Variants in GPC5 observed in about 807,000 individuals in gnomAD.
The protein encoded by GPC5 is glypican-5.
Under a neutral mutation model 53.9 loss-of-function variants are expected in GPC5, and 47 were observed. The ratio of observed to expected loss-of-function variants is 0.87; its 90% CI spans 0.69 to 1.11. The LOEUF (loss-of-function observed/expected upper bound fraction) is 1.11, where lower values mean the gene tolerates loss of function less well. Among genes scored for constraint, GPC5 ranks in the 50% most tolerant of loss-of-function variants. GPC5 has a pLI of 0.00. For missense variants in GPC5, 748 were observed against 713.1 expected (o/e 1.05, Z -0.56); for synonymous variants, 286 against 263.3 (o/e 1.09, Z -0.84).
At chr13:92,565,951 A>G (rs1218547013) in intron 7 of GPC5, among the ~76,000 whole-genome samples, 2 of 152,060 alleles carry the variant, frequency 1.3e-5, no homozygotes, top group East Asian at 3.9e-4. Context: ...AACCTTTAGT[A>G]GATATTACAA....
intron 3 of GPC5, chr13:91,725,258 C>T (rs1300131779): frequency 6.6e-6 from 1 of 152,064 alleles, no homozygotes; most frequent in Non-Finnish European, 1.5e-5. Flanking sequence ...CAATTTTTTC[C>T]AAGACATTTC....
chr13:91,658,514 C>T (rs2034903057), intron 2 of GPC5, among the ~76,000 whole-genome samples: 1 of 152,164 alleles, frequency 6.6e-6, no homozygotes, highest in Admixed American at 6.5e-5. Context: ...TCCAATTAGG[C>T]ACCCAAATTG....
At chr13:92,504,977 A>G (rs914556139) in intron 7 of GPC5, among the ~76,000 whole-genome samples, 1 of 137,522 alleles carries the variant, frequency 7.3e-6, no homozygotes, top group Non-Finnish European at 1.6e-5. Context: ...ATATATATTT[A>G]TATATATATA....
At chr13:92,124,896 G>T (rs939551542) in intron 6 of GPC5, among the ~76,000 whole-genome samples, 1 of 152,102 alleles carries the variant, frequency 6.6e-6, no homozygotes, top group Non-Finnish European at 1.5e-5. Context: ...TCCACCTCCC[G>T]GTATCTTGTG....
intron 2 of GPC5, among the ~76,000 whole-genome samples, chr13:91,589,035 A>G (rs2032700779): frequency 6.6e-6 from 1 of 152,162 alleles, no homozygotes; most frequent in South Asian, 2.1e-4. Context: ...CAACTCACCA[A>G]TCTGACTTCT....
At chr13:91,529,747 A>T (rs1454894434) in intron 2 of GPC5, among the ~76,000 whole-genome samples, 2 of 152,240 alleles carry the variant, frequency 1.3e-5, no homozygotes, top group African/African-American at 4.8e-5. Flanking sequence ...GTAAAATAGT[A>T]GTCAACATTC....
intron 7 of GPC5, among the ~76,000 whole-genome samples, chr13:92,306,008 A>C (rs958875464): frequency 6.6e-6 from 1 of 152,234 alleles, no homozygotes; most frequent in Non-Finnish European, 1.5e-5. Flanking sequence ...GAGAGATGGG[A>C]AAGTACGTGG....
At chr13:92,172,772 A>G (rs973360685) in intron 7 of GPC5, among the ~76,000 whole-genome samples, 1 of 152,098 alleles carries the variant, frequency 6.6e-6, no homozygotes, top group African/African-American at 2.4e-5. Context: ...CTTTATTTCC[A>G]TTGAAACTGG....
chr13:91,811,894 G>A (rs1344614130), intron 5 of GPC5, among the ~76,000 whole-genome samples: 1 of 152,184 alleles, frequency 6.6e-6, no homozygotes, highest in African/African-American at 2.4e-5. Context: ...CTACATCACA[G>A]CGAAGATCTA....
At chr13:92,803,561 G>T (rs72632636) in intron 7 of GPC5, among the ~76,000 whole-genome samples, 1 of 151,668 alleles carries the variant, frequency 6.6e-6, no homozygotes, top group South Asian at 2.1e-4. Flanking sequence ...TAGTCTCCTC[G>T]AAATAATTAT....
At chr13:91,554,894 T>C (rs77913329) in intron 2 of GPC5, among the ~76,000 whole-genome samples, 25,987 of 152,046 alleles carry the variant, frequency 0.17, 2,376 homozygotes, top group South Asian at 0.34. Context: ...TTCACTTATC[T>C]TCTCTCTTAG....
chr13:92,177,965 G>A (rs1049193696), intron 7 of GPC5, among the ~76,000 whole-genome samples: 35 of 152,140 alleles, frequency 2.3e-4, no homozygotes, highest in African/African-American at 7.0e-4. Flanking sequence ...AGATTACTGG[G>A]AATAGCATAA....
intron 7 of GPC5, among the ~76,000 whole-genome samples, chr13:92,640,784 A>T (rs567833626): frequency 6.6e-6 from 1 of 152,202 alleles, no homozygotes; most frequent in Admixed American, 6.5e-5. Flanking sequence ...TTTGAGTATC[A>T]AAATCAATGA....
chr13:92,284,780 A>G (rs911958041), intron 7 of GPC5, among the ~76,000 whole-genome samples: 1 of 152,204 alleles, frequency 6.6e-6, no homozygotes, highest in Non-Finnish European at 1.5e-5. Flanking sequence ...CTCACAATCA[A>G]TATCATACTG....
At chr13:92,128,481 C>T (rs1220953015) in intron 6 of GPC5, among the ~76,000 whole-genome samples, 1 of 152,204 alleles carries the variant, frequency 6.6e-6, no homozygotes, top group African/African-American at 2.4e-5. Flanking sequence ...TTCCCTTGTC[C>T]TGGGTTTCTA....
chr13:91,673,111 G>A (rs374951978), intron 2 of GPC5, among the ~76,000 whole-genome samples: 15 of 152,092 alleles, frequency 9.9e-5, no homozygotes, highest in African/African-American at 3.4e-4. Flanking sequence ...GGAACTTAGA[G>A]GATGGGCCAA....
chr13:91,544,909 A>G (rs2030188126), intron 2 of GPC5, among the ~76,000 whole-genome samples: 1 of 152,192 alleles, frequency 6.6e-6, no homozygotes, highest in Non-Finnish European at 1.5e-5. Context: ...GTCTGCTTCC[A>G]GGAAGGCTCA....
chr13:92,438,553 G>A (rs1877417796), intron 7 of GPC5, among the ~76,000 whole-genome samples: 4 of 151,906 alleles, frequency 2.6e-5, no homozygotes, highest in African/African-American at 7.2e-5. Flanking sequence ...TAATCAAGAT[G>A]CTACATGATT....
chr13:92,751,600 G>A (rs1159866801), intron 7 of GPC5, among the ~76,000 whole-genome samples: 8 of 140,904 alleles, frequency 5.7e-5, no homozygotes, highest in Non-Finnish European at 9.2e-5. Context: ...CCTGTTGTGG[G>A]GTTGGGGGAG....
Sources: gnomAD v4.1 joint callset for allele counts (sites outside exome capture counted in the v4.1 genomes callset) on GRCh38, gnomAD v4.1.1 for gene constraint, MANE v1.5 for transcripts, NCBI Gene and HGNC (gene_info 2026-07-23, HGNC 2026-07-21) for gene names.